The following DTNB variants were observed in gnomAD, a reference collection of about 807,000 sequenced individuals.
DTNB encodes dystrobrevin beta.
A neutral mutation model predicts 90.7 loss-of-function variants in DTNB; 63 were observed. The observed-to-expected ratio is 0.69, with a 90% CI of 0.57 to 0.86. DTNB has a LOEUF of 0.86. Ranked by LOEUF, DTNB falls within the 40% of genes least tolerant of loss-of-function variation. DTNB has a pLI of 0.00. For missense variants in DTNB, 744 were observed against 807.1 expected (o/e 0.92, Z 0.95); for synonymous variants, 277 against 286.7 (o/e 0.97, Z 0.34).
chr2:25,650,652 T>C (rs2080707551), intron 2 of DTNB, among the ~76,000 whole-genome samples: 2 of 152,096 alleles, frequency 1.3e-5, no homozygotes, highest in African/African-American at 4.8e-5. Context: ...AGTAAAGGAA[T>C]GTAAGCAAAG....
intron 9 of DTNB, among the ~76,000 whole-genome samples, chr2:25,503,365 G>A (rs548177921): frequency 3.3e-5 from 5 of 151,898 alleles, no homozygotes; most frequent in South Asian, 2.1e-4. Context: ...GTGGTAGTGC[G>A]TGCCTGTGGT....
intron 2 of DTNB, among the ~76,000 whole-genome samples, chr2:25,647,293 A>G (rs1243532516): frequency 6.6e-6 from 1 of 152,244 alleles, no homozygotes; most frequent in African/African-American, 2.4e-5. Flanking sequence ...AGTACAGGGA[A>G]AAAATTAATA....
intron 2 of DTNB, chr2:25,650,032 C>T (rs532965332): frequency 1.5e-4 from 149 of 985,198 alleles, no homozygotes; most frequent in Non-Finnish European, 1.7e-4. Context: ...CAAACGTCTC[C>T]CAGACTGACT....
rs374077335 is a variant in DTNB at position 25,533,940 on chromosome 2, TTTTATTTATTTA to T, written c.877-2355_877-2344del. Among the ~76,000 whole-genome samples, 123 of 151,268 alleles carry T rather than the reference TTTTATTTATTTA, an allele frequency of 8.1e-4. No homozygotes were observed. In the East Asian group the frequency reaches 0.02, roughly 24 times the overall value. ...GCTACACTGCAATTTTTATTTTTAT[TTTTATTTATTTA>T]TTTATTTATTTATTTATTTTTTGGA... On this transcript the variant is annotated intron_variant, in intron 8 of 20. Coordinates refer to ENST00000406818, the MANE Select transcript of DTNB (RefSeq NM_021907.5).
intron 4 of DTNB, among the ~76,000 whole-genome samples, chr2:25,621,889 T>C (rs1488159451): frequency 1.3e-5 from 2 of 152,156 alleles, no homozygotes; most frequent in African/African-American, 2.4e-5. Flanking sequence ...TTAGCAAGAA[T>C]GTTTTCTACT....
At chr2:25,555,578 A>G (rs997862154) in intron 8 of DTNB, among the ~76,000 whole-genome samples, 1 of 152,200 alleles carries the variant, frequency 6.6e-6, no homozygotes, top group Non-Finnish European at 1.5e-5. Flanking sequence ...TAAATAAGAA[A>G]AATAATAAAC....
intron 15 of DTNB, among the ~76,000 whole-genome samples, chr2:25,422,327 G>C (rs2049985560): frequency 6.7e-6 from 1 of 150,024 alleles, no homozygotes; most frequent in African/African-American, 2.5e-5. Flanking sequence ...ATAAGCATTT[G>C]CAAATGAGGT....
intron 1 of DTNB, among the ~76,000 whole-genome samples, chr2:25,659,031 G>C (rs1211538236): frequency 1.3e-5 from 2 of 151,772 alleles, no homozygotes; most frequent in African/African-American, 2.4e-5. Context: ...TCTAAGTTTC[G>C]GGACTACAGG....
At chr2:25,621,559 G>C (rs1319408324) in intron 4 of DTNB, among the ~76,000 whole-genome samples, 2 of 146,366 alleles carry the variant, frequency 1.4e-5, no homozygotes, top group East Asian at 2.0e-4. Flanking sequence ...CGATTCTCCT[G>C]CCTCAGCCTC....
intron 2 of DTNB, among the ~76,000 whole-genome samples, chr2:25,645,596 C>A (rs1196199453): frequency 6.6e-6 from 1 of 151,946 alleles, no homozygotes; most frequent in Admixed American, 6.6e-5. Context: ...AACATGCCAC[C>A]ACACCTGGCT....
chr2:25,593,121 G>A (rs796561243), intron 6 of DTNB, among the ~76,000 whole-genome samples: 4 of 152,246 alleles, frequency 2.6e-5, no homozygotes, highest in African/African-American at 9.6e-5. Context: ...CAGCTCATGG[G>A]TCCTTGAAAC....
chr2:25,579,575 G>A (rs1166604177), intron 7 of DTNB, among the ~76,000 whole-genome samples: 1 of 152,082 alleles, frequency 6.6e-6, no homozygotes. Flanking sequence ...GAGATAAACT[G>A]ATGGCAAGAA....
At chr2:25,534,632 G>C (rs1006441151) in intron 8 of DTNB, among the ~76,000 whole-genome samples, 1 of 149,796 alleles carries the variant, frequency 6.7e-6, no homozygotes, top group Non-Finnish European at 1.5e-5. Flanking sequence ...GGGGCGGCCG[G>C]GCAGAGGTGC....
chr2:25,534,465 T>A (rs1432953054), intron 8 of DTNB, among the ~76,000 whole-genome samples: 1 of 152,096 alleles, frequency 6.6e-6, no homozygotes, highest in African/African-American at 2.4e-5. Flanking sequence ...CCCCTTTTCT[T>A]TTCGACAAAA....
At chr2:25,455,101 C>T (rs2059810815) in intron 11 of DTNB, among the ~76,000 whole-genome samples, 1 of 152,100 alleles carries the variant, frequency 6.6e-6, no homozygotes, top group Admixed American at 6.5e-5. Context: ...GCATCAGATA[C>T]CTCTGTGAGT....
intron 13 of DTNB, 42 bp downstream of exon 13, chr2:25,433,868 A>T: frequency 6.2e-7 from 1 of 1,603,174 alleles, no homozygotes; most frequent in Non-Finnish European, 8.5e-7. Context: ...CGCACGTGAT[A>T]ATCCTGGACT....
chr2:25,514,996 A>G (rs2150731435), intron 9 of DTNB, among the ~76,000 whole-genome samples: 1 of 152,254 alleles, frequency 6.6e-6, no homozygotes, highest in South Asian at 2.1e-4. Context: ...AAATCTTAAA[A>G]GGATTTTTCA....
At chr2:25,460,678 G>A (rs959726621) in intron 10 of DTNB, among the ~76,000 whole-genome samples, 3 of 152,132 alleles carry the variant, frequency 2.0e-5, no homozygotes, top group African/African-American at 7.2e-5. Context: ...ACTGAAAACT[G>A]ACCACTGGAT....
At chr2:25,638,563 GACAC>G (rs560544879) in intron 3 of DTNB, among the ~76,000 whole-genome samples, 2 of 152,168 alleles carry the variant, frequency 1.3e-5, no homozygotes, top group East Asian at 1.9e-4. Flanking sequence ...CATATATACA[GACAC>G]ACACACACTT....
Sources: allele counts gnomAD v4.1 joint callset (sites outside exome capture counted in the v4.1 genomes callset), GRCh38; gene constraint gnomAD v4.1.1; transcripts MANE v1.5; gene names NCBI Gene and HGNC (gene_info 2026-07-23, HGNC 2026-07-21).